Variants in CSMD1 observed in about 807,000 individuals in gnomAD.
The protein encoded by CSMD1 is CUB and sushi domain-containing protein 1.
Under a neutral mutation model 417.5 loss-of-function variants are expected in CSMD1, and 213 were observed. The observed-to-expected ratio is 0.51, with a 90% CI of 0.46 to 0.57. CSMD1 has a LOEUF of 0.57. CSMD1 is among the 20% of genes least tolerant of loss of function. The pLI, the probability that CSMD1 is intolerant of heterozygous loss-of-function variation, is 0.00. For synonymous variants in CSMD1, 2,862 were observed against 1,736.8 expected (o/e 1.65, Z -16.11); for missense variants, 6,923 against 4,529.7 (o/e 1.53, Z -15.17).
At chr8:4,332,357 G>C (rs10103498) in intron 3 of CSMD1, among the ~76,000 whole-genome samples, 1,800 of 151,880 alleles carry the variant, frequency 0.012, 25 homozygotes, top group African/African-American at 0.04. Context: ...AAGGAAGACA[G>C]CATTGCACTC....
At chr8:3,285,545 T>C (rs1186950396) in intron 25 of CSMD1, among the ~76,000 whole-genome samples, 3 of 151,748 alleles carry the variant, frequency 2.0e-5, no homozygotes, top group African/African-American at 7.3e-5. Flanking sequence ...AGCTGTCATG[T>C]TCAGTTATTA....
chr8:4,081,184 A>G (rs775460274), intron 3 of CSMD1, among the ~76,000 whole-genome samples: 9 of 152,150 alleles, frequency 5.9e-5, no homozygotes, highest in Non-Finnish European at 1.2e-4. Flanking sequence ...AACTTCTGTT[A>G]TTTATAAATT....
At chr8:4,099,198 A>C (rs1052761308) in intron 3 of CSMD1, among the ~76,000 whole-genome samples, 1 of 142,020 alleles carries the variant, frequency 7.0e-6, no homozygotes, top group Non-Finnish European at 1.5e-5. Context: ...ACACACTCAC[A>C]CACACACGCA....
intron 5 of CSMD1, among the ~76,000 whole-genome samples, chr8:3,994,366 A>T (rs959384555): frequency 1.4e-4 from 21 of 151,230 alleles, no homozygotes; most frequent in African/African-American, 4.9e-4. Flanking sequence ...ATAGAGGGAG[A>T]ACTCAGAAAT....
At chr8:3,976,075 T>G (rs955608937) in intron 5 of CSMD1, among the ~76,000 whole-genome samples, 12 of 151,930 alleles carry the variant, frequency 7.9e-5, no homozygotes, top group Non-Finnish European at 1.3e-4. Flanking sequence ...TTAAATTTTT[T>G]TGGGGGGGTC....
intron 2 of CSMD1, among the ~76,000 whole-genome samples, chr8:4,604,551 A>AT (rs1438618315): frequency 1.3e-5 from 2 of 152,116 alleles, no homozygotes; most frequent in East Asian, 3.9e-4. Flanking sequence ...GAACGCTTTT[A>AT]TTTTTTTCTA....
chr8:3,200,163 T>G (rs1796919641), intron 32 of CSMD1, among the ~76,000 whole-genome samples: 1 of 152,170 alleles, frequency 6.6e-6, no homozygotes. Context: ...TAAAATAATT[T>G]TACTTAAAAA....
At chr8:4,242,312 A>C (rs2128822710) in intron 3 of CSMD1, among the ~76,000 whole-genome samples, 1 of 152,298 alleles carries the variant, frequency 6.6e-6, no homozygotes, top group Non-Finnish European at 1.5e-5. Flanking sequence ...TAGTAGTGTA[A>C]TTACAAGTGA....
chr8:3,668,930 G>A (rs938458130), intron 7 of CSMD1, among the ~76,000 whole-genome samples: 1 of 152,180 alleles, frequency 6.6e-6, no homozygotes, highest in Non-Finnish European at 1.5e-5. Context: ...AGCTCTTTGA[G>A]AGGCGTGACA....
chr8:4,505,948 G>A (rs976755226), intron 2 of CSMD1, among the ~76,000 whole-genome samples: 10 of 152,020 alleles, frequency 6.6e-5, no homozygotes, highest in Non-Finnish European at 1.0e-4. Flanking sequence ...ACAGGTGCAT[G>A]TCACCACGCC....
intron 12 of CSMD1, among the ~76,000 whole-genome samples, chr8:3,427,163 C>T (rs986095643): frequency 9.2e-5 from 14 of 152,260 alleles, no homozygotes; most frequent in African/African-American, 3.1e-4. Context: ...GACTAAAAAT[C>T]AAGATGAGAT....
chr8:4,513,050 C>T (rs914972562), intron 2 of CSMD1, among the ~76,000 whole-genome samples: 2 of 152,118 alleles, frequency 1.3e-5, no homozygotes, highest in Non-Finnish European at 1.5e-5. Flanking sequence ...TGAAAATTAT[C>T]TGTATGATAC....
At chr8:4,786,889 G>C (rs1408244795) in intron 1 of CSMD1, among the ~76,000 whole-genome samples, 1 of 152,108 alleles carries the variant, frequency 6.6e-6, no homozygotes, top group Non-Finnish European at 1.5e-5. Context: ...GAAATGCTAA[G>C]AAATAAGATA....
chr8:3,919,399 T>TC (rs1809068248), intron 5 of CSMD1, among the ~76,000 whole-genome samples: 1 of 152,084 alleles, frequency 6.6e-6, no homozygotes, highest in South Asian at 2.1e-4. Context: ...GACTCTCTTT[T>TC]CCCCCATTGT....
At chr8:3,597,504 G>C (rs959762566) in intron 8 of CSMD1, among the ~76,000 whole-genome samples, 1 of 152,102 alleles carries the variant, frequency 6.6e-6, no homozygotes, top group African/African-American at 2.4e-5. Context: ...AAATGCAGCT[G>C]AGATAAAACA....
intron 17 of CSMD1, among the ~76,000 whole-genome samples, chr8:3,395,488 A>T (rs1369545600): frequency 6.6e-6 from 1 of 152,246 alleles, no homozygotes; most frequent in East Asian, 1.9e-4. Flanking sequence ...AAATAATACA[A>T]TTACTTAATC....
Position 3,289,515 on chromosome 8 carries a change from A to C in CSMD1, c.3951-5169T>G, listed in dbSNP as rs1039176666. On this transcript the variant is annotated intron_variant, in intron 25 of 69. Transcript: ENST00000635120. ...TTTTCCTGACTTGTTAATGATCGCC[A>C]TTCTAACTGGTGTGAGATGGTATCT... Among the ~76,000 whole-genome samples, 2 of 144,494 alleles carry C rather than the reference A, an allele frequency of 1.4e-5. 1 individual carries two copies. Among genetic ancestry groups the C allele is most frequent in the African/African-American group, 5.5e-5 (2 of 36,354 alleles). The allele number at this position is 144,494 out of a possible 152,430, so 94.8% of individuals were successfully genotyped here.
chr8:3,864,759 G>A (rs908990754), intron 5 of CSMD1, among the ~76,000 whole-genome samples: 1 of 152,184 alleles, frequency 6.6e-6, no homozygotes, highest in Admixed American at 6.5e-5. Context: ...TAAACTATAG[G>A]CACCATCGTG....
At position 2,966,651 on chromosome 8, in the gene CSMD1, C is replaced by T. The variant is rs1223131492; in HGVS notation, c.9019G>A (p.Glu3007Lys). ...ATGAGCCCTGAGGTCTTGTAGCCTTCCCAGCAGGCATAGATGACCGAGCTG... is the reference window on the plus strand; with the variant it reads ...ATGAGCCCTGAGGTCTTGTAGCCTTTCCAGCAGGCATAGATGACCGAGCTG... ...FSSSVIYACW[E>K]GYKTSGLMTR... Residue 3007 changes from glutamate (E) to lysine (K), a missense_variant, in exon 58 of 70, where the codon GAA becomes AAA. Physicochemically the swap from Glu to Lys is moderately conservative, Grantham distance 56 (BLOSUM62 1). Transcript: ENST00000635120. 6.2e-7 allele frequency: 1 copy of T among 1,613,618 alleles called. No homozygotes were observed. Among genetic ancestry groups the T allele is most frequent in the Non-Finnish European group, 8.5e-7 (1 of 1,179,784 alleles).
Sources: allele counts gnomAD v4.1 joint callset (sites outside exome capture counted in the v4.1 genomes callset), GRCh38; gene constraint gnomAD v4.1.1; transcripts MANE v1.5; gene names NCBI Gene and HGNC (gene_info 2026-07-23, HGNC 2026-07-21).